ADAMTS17: variants seen among roughly 807,000 people sequenced by gnomAD.
ADAMTS17 encodes the protein ADAM metallopeptidase with thrombospondin type 1 motif 17.
Under a neutral mutation model 141.5 loss-of-function variants are expected in ADAMTS17, and 113 were observed. The observed-to-expected ratio is 0.80, with a 90% CI of 0.69 to 0.93. ADAMTS17 has a LOEUF of 0.93. Ranked by LOEUF, ADAMTS17 falls within the 40% of genes least tolerant of loss-of-function variation. The pLI, the probability that ADAMTS17 is intolerant of heterozygous loss-of-function variation, is 0.00. For synonymous variants in ADAMTS17, 768 were observed against 630.6 expected, an observed-to-expected ratio of 1.22 and a Z score of -3.27; for missense variants, 1,659 against 1,517.9, an observed-to-expected ratio of 1.09 and a Z score of -1.54.
chr15:100,108,285 C>T (rs7182743), intron 14 of ADAMTS17, among the ~76,000 whole-genome samples: 2,270 of 152,176 alleles, frequency 0.015, 53 homozygotes, highest in African/African-American at 0.053. Flanking sequence ...AATTCTCCTG[C>T]CTCAGCCTCC....
At position 100,096,420 on chromosome 15, in the gene ADAMTS17, G is replaced by C; in HGVS notation, c.2073C>G (p.Val691=). The C allele has an allele frequency of 1.2e-6, 2 of 1,614,162 alleles. No homozygotes were observed. The highest frequency in any genetic ancestry group is 1.7e-6 in the Non-Finnish European group (2 of 1,180,046). The part of the protein sequence containing the change: ...GSAAKEDRCG[V]CSGDGKTCHL... Reference sequence around the variant, plus strand: ...GGCAGGTCTTGCCGTCCCCGCTGCAGACCCCGCATCTGTCCTCTTTGGCTG... The same window carrying C: ...GGCAGGTCTTGCCGTCCCCGCTGCACACCCCGCATCTGTCCTCTTTGGCTG... The change falls in exon 15 of 22, where the codon GTC becomes GTG. Residue 691 remains valine (V), a synonymous_variant. Coordinates refer to ENST00000268070, the MANE Select transcript of ADAMTS17 (RefSeq NM_139057.4).
chr15:100,096,101 C>T (rs916344826), intron 15 of ADAMTS17, among the ~76,000 whole-genome samples: 1 of 152,194 alleles, frequency 6.6e-6, no homozygotes, highest in African/African-American at 2.4e-5. Flanking sequence ...GGGCAGCTAC[C>T]AGTGATTCAT....
intron 3 of ADAMTS17, among the ~76,000 whole-genome samples, chr15:100,329,090 G>A (rs958341153): frequency 7.9e-5 from 12 of 152,104 alleles, no homozygotes; most frequent in Non-Finnish European, 1.8e-4. Context: ...GGTTCTCTGT[G>A]GGTGGGACCC....
chr15:100,284,104 T>TAAAC (rs150137293), intron 3 of ADAMTS17, among the ~76,000 whole-genome samples: 21,869 of 151,372 alleles, frequency 0.14, 2,582 homozygotes, highest in African/African-American at 0.33. Context: ...GATTCCATCT[T>TAAAC]AAACAAACAA....
At chr15:100,116,132 TAAAAAA>T (rs34003703) in intron 13 of ADAMTS17, among the ~76,000 whole-genome samples, 6 of 84,788 alleles carry the variant, frequency 7.1e-5, no homozygotes, top group South Asian at 4.9e-4. Flanking sequence ...CAGTTTTAGG[TAAAAAA>T]AAAAAAAAAA....
intron 3 of ADAMTS17, among the ~76,000 whole-genome samples, chr15:100,313,468 C>A (rs974615176): frequency 2.0e-5 from 3 of 152,290 alleles, no homozygotes; most frequent in East Asian, 1.9e-4. Context: ...AGATTTGATA[C>A]CCATGTCCAA....
chr15:99,979,188 A>C (rs1426302623), intron 20 of ADAMTS17: 1 of 152,140 alleles, frequency 6.6e-6, no homozygotes, highest in Non-Finnish European at 1.5e-5. Context: ...GAGGAGTTTG[A>C]GACCAGCCTG....
chr15:100,221,531 C>G (rs1042179484), intron 7 of ADAMTS17, among the ~76,000 whole-genome samples: 18 of 152,182 alleles, frequency 1.2e-4, no homozygotes, highest in African/African-American at 4.1e-4. Flanking sequence ...AAACTCTGCC[C>G]TGAGATAACG....
intron 18 of ADAMTS17, among the ~76,000 whole-genome samples, chr15:100,047,875 C>A (rs1333962679): frequency 6.6e-6 from 1 of 152,182 alleles, no homozygotes; most frequent in Non-Finnish European, 1.5e-5. Flanking sequence ...AGATTTCCTG[C>A]AGTGAGCTCT....
chr15:100,068,961 T>C lies in ADAMTS17; in HGVS notation c.2138-14907A>G, dbSNP rs181421800. On this transcript the variant is annotated intron_variant, in intron 15 of 21. Coordinates refer to ENST00000268070, the MANE Select transcript of ADAMTS17 (RefSeq NM_139057.4). Reference sequence around the variant, plus strand: ...AACTACTCCGAGCTAAAGGAGGAAGTTGAAACCTATGGCATAGAAGTTAAA... The same window carrying C: ...AACTACTCCGAGCTAAAGGAGGAAGCTGAAACCTATGGCATAGAAGTTAAA... Among the ~76,000 whole-genome samples the C allele has an allele frequency of 7.2e-5, 11 of 152,298 alleles. No homozygotes were observed. In the East Asian group the frequency reaches 1.7e-3, roughly 24 times the overall value.
At chr15:100,069,561 A>C (rs1329595217) in intron 15 of ADAMTS17, among the ~76,000 whole-genome samples, 1 of 152,224 alleles carries the variant, frequency 6.6e-6, no homozygotes, top group East Asian at 1.9e-4. Flanking sequence ...GAAACTCTAC[A>C]AGCCAGAAGA....
intron 15 of ADAMTS17, among the ~76,000 whole-genome samples, chr15:100,079,879 G>A (rs151093351): frequency 1.1e-3 from 163 of 152,286 alleles, no homozygotes; most frequent in African/African-American, 2.0e-3. Context: ...TTATGCTCAT[G>A]GAATTCACTG....
chr15:100,324,039 AAG>A (rs1555508992), intron 3 of ADAMTS17, among the ~76,000 whole-genome samples: 1 of 151,246 alleles, frequency 6.6e-6, no homozygotes, highest in East Asian at 2.0e-4. Context: ...AAAAAAAAAA[AAG>A]AAGAAAGCAT....
At position 99,974,103 on chromosome 15, in the gene ADAMTS17, C is replaced by G; in HGVS notation, c.*299G>C. On this transcript the variant is annotated 3_prime_UTR_variant, in exon 22 of 22. Transcript: ENST00000268070. ...TCAAGACAAGAACACTAAATGATGT[C>G]TCTCTCTTGACGGTTGTCTGCCAGA... is the stretch of plus-strand genomic sequence containing the variant. The G allele has an allele frequency of 2.1e-6, 1 of 476,238 alleles. No individual in the cohort carries two copies. The highest frequency in any genetic ancestry group is 4.1e-5 in the East Asian group (1 of 24,552). The allele number at this position is 476,238 out of a possible 1,614,324, so 29.5% of individuals were successfully genotyped here.
chr15:100,083,540 GA>G (rs2034889085), intron 15 of ADAMTS17, among the ~76,000 whole-genome samples: 1 of 152,024 alleles, frequency 6.6e-6, no homozygotes, highest in Non-Finnish European at 1.5e-5. Flanking sequence ...CATCCAGAAA[GA>G]AAGTTTCTCA....
intron 15 of ADAMTS17, among the ~76,000 whole-genome samples, chr15:100,071,395 G>A (rs1230470472): frequency 1.3e-5 from 2 of 149,856 alleles, no homozygotes; most frequent in Admixed American, 6.7e-5. Flanking sequence ...CATTTTATGA[G>A]GCCAGCATCA....
intron 6 of ADAMTS17, among the ~76,000 whole-genome samples, chr15:100,255,617 A>ACACACACACACAC (rs2043299663): frequency 2.1e-5 from 3 of 140,186 alleles, no homozygotes; most frequent in East Asian, 2.2e-4. Context: ...TGTTTTGAGC[A>ACACACACACACAC]ACACACACAC....
intron 21 of ADAMTS17, 143 bp downstream of exon 21, chr15:99,975,902 C>T (rs764054626): frequency 1.6e-5 from 15 of 967,398 alleles, no homozygotes; most frequent in Non-Finnish European, 2.3e-5. Context: ...ACCTCTTCTA[C>T]AGAACTGACA....
chr15:100,331,031 C>T lies in ADAMTS17; in HGVS notation c.474G>A (p.Gln158=). The T allele has an allele frequency of 6.2e-7, 1 of 1,614,186 alleles. No individual in the cohort carries two copies. The highest frequency in any genetic ancestry group is 1.7e-5 in the Admixed American group (1 of 60,020). The change falls in exon 3 of 22, where the codon CAG becomes CAA. Residue 158 remains glutamine (Q), a synonymous_variant. Transcript: ENST00000268070. ...GGLVGLIQLG[Q]EQVLIQPLNN... ...TGAGGGGCTGGATTAGCACCTGCTC[C>T]TGCCCAAGCTGAATGAGGCCAACCT...
Sources: gnomAD v4.1 joint callset for allele counts (sites outside exome capture counted in the v4.1 genomes callset) on GRCh38, gnomAD v4.1.1 for gene constraint, MANE v1.5 for transcripts, NCBI Gene and HGNC (gene_info 2026-07-23, HGNC 2026-07-21) for gene names.